PACRGL: variants seen among roughly 807,000 people sequenced by gnomAD.
The protein encoded by PACRGL is PACRG-like protein.
In PACRGL, 38 loss-of-function variants were observed where a neutral mutation model predicts 34.5. That is an observed-to-expected ratio of 1.10 (90% confidence interval 0.85 to 1.44). PACRGL has a LOEUF of 1.44. Ranked by LOEUF, PACRGL falls within the 40% of genes most tolerant of loss-of-function variation. The probability of loss-of-function intolerance (pLI) is 0.00; values close to 1 mark genes in which losing one functional copy is unlikely to be tolerated. For missense variants in PACRGL, 305 were observed against 281.4 expected, an observed-to-expected ratio of 1.08 and a Z score of -0.60; for synonymous variants, 128 against 100.1, an observed-to-expected ratio of 1.28 and a Z score of -1.66.
chr4:20,697,779 C>T (rs549570493), upstream of PACRGL, among the ~76,000 whole-genome samples: 1 of 152,264 alleles, frequency 6.6e-6, no homozygotes, highest in South Asian at 2.1e-4. Flanking sequence ...TTCTGGTTCA[C>T]AGATGAAATT....
In PACRGL at chr4:20,730,225, C is replaced by A; in HGVS notation, c.*2884C>A. 1 of 1,401,426 alleles carries A rather than the reference C, an allele frequency of 7.1e-7. No individual in the cohort carries two copies. The highest frequency in any genetic ancestry group is 9.5e-7 in the Non-Finnish European group (1 of 1,051,024). 86.8% of individuals were successfully genotyped at this position (1,401,426 alleles called of 1,614,324 possible). On this transcript the variant is annotated 3_prime_UTR_variant, in exon 9 of 9. Transcript: ENST00000503585. ...AGTATTGCCTCCTCCCATCAACCAC[C>A]TCAACCACCTATGCCAAAAGCTCAA...
chr4:20,737,070 A>G (rs541131535), downstream of PACRGL, among the ~76,000 whole-genome samples: 1 of 152,212 alleles, frequency 6.6e-6, no homozygotes, highest in South Asian at 2.1e-4. Flanking sequence ...AATAATCTCA[A>G]TATATGGTGC....
chr4:20,698,931 TGAA>T (rs1171676109), upstream of PACRGL, among the ~76,000 whole-genome samples: 7 of 152,290 alleles, frequency 4.6e-5, no homozygotes, highest in African/African-American at 1.4e-4. Context: ...AACCCAATAA[TGAA>T]GAGGAAATTG....
In PACRGL at chr4:20,731,189, C is replaced by T. The variant is rs1481259825; in HGVS notation, c.*3848C>T. The T allele has an allele frequency of 6.4e-6, 1 of 155,858 alleles. No homozygotes were observed. Among genetic ancestry groups the T allele is most frequent in the African/African-American group, 2.4e-5 (1 of 41,504 alleles). The allele number at this position is 155,858 out of a possible 1,614,324, so 9.7% of individuals were successfully genotyped here. ...GGATCAAGTGATCTTCCTGCCTCAG[C>T]CTCCCAAGTAGCTGAGACTTCAGCC... On this transcript the variant is annotated 3_prime_UTR_variant, in exon 9 of 9. Coordinates refer to ENST00000503585, the MANE Select transcript of PACRGL (RefSeq NM_001258345.3).
At chr4:20,766,105 C>A in the PACRGL span, among the ~76,000 whole-genome samples, 2 of 151,882 alleles carry the variant, frequency 1.3e-5, no homozygotes, top group African/African-American at 4.8e-5. Context: ...ATGTTCCAAC[C>A]CTTGCATTAA....
chr4:20,753,790 T>C (rs1186203026), downstream of PACRGL, among the ~76,000 whole-genome samples: 1 of 152,196 alleles, frequency 6.6e-6, no homozygotes, highest in Non-Finnish European at 1.5e-5. Context: ...GGTGAAGTCT[T>C]TTTTAAATTT....
intron 8 of PACRGL, among the ~76,000 whole-genome samples, chr4:20,751,151 G>A (rs757512964): frequency 5.3e-5 from 8 of 152,186 alleles, no homozygotes; most frequent in African/African-American, 1.4e-4. Flanking sequence ...TGGCATCTTC[G>A]CTCATCTCTC....
chr4:20,709,316 G>A (rs919056573), intron 4 of PACRGL, among the ~76,000 whole-genome samples: 1 of 152,136 alleles, frequency 6.6e-6, no homozygotes, highest in Non-Finnish European at 1.5e-5. Context: ...GAAAAACAAT[G>A]TTCCTTGTGA....
chr4:20,714,860 G>C (rs559857412), intron 7 of PACRGL, among the ~76,000 whole-genome samples: 2 of 152,178 alleles, frequency 1.3e-5, no homozygotes, highest in Non-Finnish European at 2.9e-5. Flanking sequence ...GTGGAAGTCA[G>C]TGTGGCGATT....
downstream of PACRGL, among the ~76,000 whole-genome samples, chr4:20,757,267 G>A (rs1754555680): frequency 1.3e-5 from 2 of 152,076 alleles, no homozygotes; most frequent in Non-Finnish European, 2.9e-5. Flanking sequence ...TTTCTCCTAT[G>A]CATATACTTA....
At chr4:20,696,545 A>G (rs1456436588), upstream of PACRGL, 6 of 152,320 alleles carry the variant, frequency 3.9e-5, no homozygotes, top group East Asian at 1.9e-4. Context: ...ATTGAATACT[A>G]CTATGAACCA....
chr4:20,710,709 TTAAAA>T (rs1200822128), intron 5 of PACRGL, among the ~76,000 whole-genome samples: 1 of 152,198 alleles, frequency 6.6e-6, no homozygotes, highest in Non-Finnish European at 1.5e-5. Flanking sequence ...GATTCCTTAA[TTAAAA>T]TGAAACATCA....
chr4:20,720,029 A>G (rs1742239707), intron 7 of PACRGL, among the ~76,000 whole-genome samples: 2 of 152,118 alleles, frequency 1.3e-5, no homozygotes, highest in South Asian at 2.1e-4. Flanking sequence ...TTGGGTGCAT[A>G]TATATTTAGG....
rs1291926753 is a variant in PACRGL at position 20,703,496 on chromosome 4, GTGTGTGTGTGTGTGTT to G, written c.-16-958_-16-943del. ...TATATGAGTGTGTGTGTGTGTGTGTGTGTGTGTGTGTGTGTTTGTGTGTGTGTATTTCTTGCTAGAG... is the reference window on the plus strand; with the variant it reads ...TATATGAGTGTGTGTGTGTGTGTGTGTGTGTGTGTGTATTTCTTGCTAGAG... On this transcript the variant is annotated intron_variant, in intron 1 of 8. Coordinates refer to ENST00000503585, the MANE Select transcript of PACRGL (RefSeq NM_001258345.3). 1.3e-4 allele frequency among the ~76,000 whole-genome samples: 19 copies of G among 144,570 alleles called. No individual in the cohort carries two copies. The East Asian group carries it at 2.1e-3, about 16-fold the overall frequency. The allele number at this position is 144,570 out of a possible 152,430, so 94.8% of individuals were successfully genotyped here. A position where few individuals can be genotyped will look rare whatever the true frequency, so the allele number is the denominator to read the frequency against.
chr4:20,736,739 C>T (rs571675939), downstream of PACRGL, among the ~76,000 whole-genome samples: 1 of 152,280 alleles, frequency 6.6e-6, no homozygotes, highest in African/African-American at 2.4e-5. Context: ...AACCCTTCCA[C>T]TTAAGCAAAT....
At chr4:20,746,214 C>G (rs1367343633) in intron 8 of PACRGL, among the ~76,000 whole-genome samples, 1 of 152,132 alleles carries the variant, frequency 6.6e-6, no homozygotes, top group Non-Finnish European at 1.5e-5. Flanking sequence ...AGGATGAGTT[C>G]ATGTCCTTTG....
rs139112572 is a variant in PACRGL at position 20,751,513 on chromosome 4, T to C, written c.*57-1052T>C. 9.9e-5 allele frequency among the ~76,000 whole-genome samples: 15 copies of C among 151,838 alleles called. No homozygotes were observed. In the East Asian group the frequency reaches 2.9e-3, roughly 29 times the overall value. On this transcript the variant is annotated intron_variant, in intron 8 of 8. Transcript: ENST00000507634. ...TCTGGAGATGTGAATTGATCGATGG[T>C]GTGTTGAACTGATTTTCAGAGGAGG...
chr4:20,732,250 C>T lies in PACRGL; in HGVS notation c.*4909C>T, dbSNP rs1451069789. 6.6e-6 allele frequency among the ~76,000 whole-genome samples: 1 copy of T among 152,206 alleles called. No homozygotes were observed. The highest frequency in any genetic ancestry group is 2.4e-5 in the African/African-American group (1 of 41,452). On this transcript the variant is annotated 3_prime_UTR_variant, in exon 9 of 9. Transcript: ENST00000503585. ...ATAAAAATGATAGGGCCAAATGCTT[C>T]TGGCTTTTCCCTTTTCAATATAATG...
chr4:20,728,978 T>C lies in PACRGL; in HGVS notation c.*1637T>C, dbSNP rs6811030. 50,120 of 152,108 alleles carry C rather than the reference T, an allele frequency of 0.33. 8,708 individuals are homozygous for C. Among genetic ancestry groups the C allele is most frequent in the African/African-American group, 0.43 (17,962 of 41,430 alleles). 9.4% of individuals were successfully genotyped at this position (152,108 alleles called of 1,614,324 possible). A position where few individuals can be genotyped will look rare whatever the true frequency, so the allele number is the denominator to read the frequency against. On this transcript the variant is annotated 3_prime_UTR_variant, in exon 9 of 9. Transcript: ENST00000503585. The stretch of plus-strand genomic sequence containing the variant: ...TCATACTGTAATCTGGATTAGTTGT[T>C]GAGCACTTATTTTCTACTAAATCTT...
Sources: gnomAD v4.1 joint callset for allele counts (sites outside exome capture counted in the v4.1 genomes callset) on GRCh38, gnomAD v4.1.1 for gene constraint, MANE v1.5 for transcripts, NCBI Gene and HGNC (gene_info 2026-07-23, HGNC 2026-07-21) for gene names.